The following KCNH5 variants were observed in gnomAD, a reference collection of about 807,000 sequenced individuals.
The protein encoded by KCNH5 is potassium voltage-gated channel subfamily H member 5, also known as voltage-gated delayed rectifier potassium channel KCNH5.
A neutral mutation model predicts 96.1 loss-of-function variants in KCNH5; 46 were observed. The ratio of observed to expected loss-of-function variants is 0.48; its 90% CI spans 0.38 to 0.61. The LOEUF (loss-of-function observed/expected upper bound fraction) is 0.61. Ranked by LOEUF, KCNH5 falls within the 20% of genes least tolerant of loss-of-function variation. The probability of loss-of-function intolerance (pLI) is 0.00; values close to 1 mark genes in which losing one functional copy is unlikely to be tolerated. For synonymous variants in KCNH5, 439 were observed against 449.8 expected, an observed-to-expected ratio of 0.98 and a Z score of 0.30; for missense variants, 907 against 1,225.8, an observed-to-expected ratio of 0.74 and a Z score of 3.88.
chr14:62,762,092 G>A (rs957543482), intron 10 of KCNH5, among the ~76,000 whole-genome samples: 12 of 152,150 alleles, frequency 7.9e-5, no homozygotes, highest in African/African-American at 2.9e-4. Flanking sequence ...AGAGATTGCT[G>A]CTTGGAGAGG....
intron 6 of KCNH5, among the ~76,000 whole-genome samples, chr14:62,968,370 G>T (rs1890342672): frequency 6.6e-6 from 1 of 152,056 alleles, no homozygotes; most frequent in African/African-American, 2.4e-5. Flanking sequence ...GTTCATCTTT[G>T]TATTTATTTG....
At chr14:62,890,364 G>A (rs1438997277) in intron 7 of KCNH5, among the ~76,000 whole-genome samples, 1 of 152,104 alleles carries the variant, frequency 6.6e-6, no homozygotes, top group African/African-American at 2.4e-5. Context: ...TCATCTATAA[G>A]GAACTTAAAT....
At chr14:62,977,646 CTT>C (rs1471671177) in intron 6 of KCNH5, among the ~76,000 whole-genome samples, 2 of 152,082 alleles carry the variant, frequency 1.3e-5, no homozygotes, top group South Asian at 2.1e-4. Flanking sequence ...AGGGTCTTCT[CTT>C]TTTTAAAATG....
chr14:62,995,659 C>A (rs1202202980), intron 4 of KCNH5, among the ~76,000 whole-genome samples: 5 of 152,128 alleles, frequency 3.3e-5, no homozygotes, highest in Non-Finnish European at 7.4e-5. Context: ...CTCTTGTCCA[C>A]TCACTATTCC....
chr14:62,940,495 T>C (rs1889766976), intron 7 of KCNH5, among the ~76,000 whole-genome samples: 1 of 152,202 alleles, frequency 6.6e-6, no homozygotes, highest in Non-Finnish European at 1.5e-5. Context: ...TTTTTCTTAT[T>C]TATCCCACAA....
chr14:62,910,068 G>A (rs987763577), intron 7 of KCNH5, among the ~76,000 whole-genome samples: 1 of 151,124 alleles, frequency 6.6e-6, no homozygotes, highest in African/African-American at 2.4e-5. Context: ...GATATTTTTT[G>A]AATCAGTATG....
chr14:62,779,627 A>T, intron 10 of KCNH5, 101 bp downstream of exon 10: 1 of 905,322 alleles, frequency 1.1e-6, no homozygotes, highest in Non-Finnish European at 1.6e-6. Context: ...ATGGGAATTT[A>T]GTGCTGCAAA....
intron 7 of KCNH5, among the ~76,000 whole-genome samples, chr14:62,910,934 CACACA>C (rs1889139262): frequency 1.4e-5 from 2 of 145,276 alleles, no homozygotes; most frequent in South Asian, 4.6e-4. Flanking sequence ...CACACACACA[CACACA>C]CACCCCTCTG....
intron 1 of KCNH5, among the ~76,000 whole-genome samples, chr14:63,024,208 C>CAAAAAAAAAAAAAAAAAAAAAAAAAAA (rs574336970): frequency 6.4e-5 from 9 of 140,288 alleles, no homozygotes; most frequent in East Asian, 6.3e-4. Context: ...GACTCCATCT[C>CAAAAAAAAAAAAAAAAAAAAAAAAAAA]AAAAAATATA....
At chr14:62,964,282 C>T (rs1011458851) in intron 6 of KCNH5, among the ~76,000 whole-genome samples, 8 of 152,194 alleles carry the variant, frequency 5.3e-5, no homozygotes, top group African/African-American at 1.9e-4. Flanking sequence ...TATACTAAAT[C>T]TTCCATCACT....
At chr14:63,010,031 T>C (rs1314172484) in intron 2 of KCNH5, among the ~76,000 whole-genome samples, 1 of 152,184 alleles carries the variant, frequency 6.6e-6, no homozygotes, top group Non-Finnish European at 1.5e-5. Flanking sequence ...CTCTCTTACA[T>C]AGGATGCCAA....
chr14:62,888,487 A>C (rs759653766), intron 7 of KCNH5, among the ~76,000 whole-genome samples: 1 of 152,194 alleles, frequency 6.6e-6, no homozygotes, highest in South Asian at 2.1e-4. Context: ...GGCAGTGGGC[A>C]GGCATCTGAA....
In KCNH5 at chr14:62,845,995, T is replaced by A. The variant is rs900541240; in HGVS notation, c.1569+3658A>T. Among the ~76,000 whole-genome samples the A allele has an allele frequency of 2.6e-5, 4 of 152,122 alleles. No homozygotes were observed. In the East Asian group the frequency reaches 7.7e-4, roughly 29 times the overall value. On this transcript the variant is annotated intron_variant, in intron 8 of 10. Transcript: ENST00000322893. ...AAATACCACCAAATTTAAAATATTA[T>A]CTTATTCAAATTGCTTTCAAGAAAT... is the stretch of plus-strand genomic sequence containing the variant.
chr14:62,723,589 G>A (rs1884861385), intron 10 of KCNH5, among the ~76,000 whole-genome samples: 1 of 152,124 alleles, frequency 6.6e-6, no homozygotes, highest in Admixed American at 6.5e-5. Flanking sequence ...TCTGGTTTCT[G>A]ACCCCACTCT....
At chr14:62,849,906 C>T (rs576490705) in intron 7 of KCNH5, 54 bp from the exon 8 acceptor site, 2 of 1,348,926 alleles carry the variant, frequency 1.5e-6, no homozygotes, top group East Asian at 4.8e-5. Context: ...GAAAAAAATA[C>T]AAATATTTGC....
At chr14:62,798,261 C>A (rs1430623244) in intron 9 of KCNH5, among the ~76,000 whole-genome samples, 1 of 152,134 alleles carries the variant, frequency 6.6e-6, no homozygotes, top group East Asian at 1.9e-4. Context: ...ATAATTCTAA[C>A]CCTATGATTC....
chr14:62,922,636 C>A (rs955936101), intron 7 of KCNH5, among the ~76,000 whole-genome samples: 11 of 151,854 alleles, frequency 7.2e-5, no homozygotes, highest in Non-Finnish European at 1.5e-4. Flanking sequence ...TTCTAGGATG[C>A]CAGGATGGTT....
chr14:62,851,100 C>T (rs1438414296), intron 7 of KCNH5, among the ~76,000 whole-genome samples: 2 of 152,054 alleles, frequency 1.3e-5, no homozygotes, highest in African/African-American at 2.4e-5. Flanking sequence ...CTGAGTATAA[C>T]AAATTACAAT....
In KCNH5 at chr14:62,950,156, G is replaced by A. The variant is rs369774413; in HGVS notation, c.1346C>T (p.Ser449Leu). 1.7e-5 allele frequency: 27 copies of A among 1,613,632 alleles called. No homozygotes were observed. The highest frequency in any genetic ancestry group is 3.3e-5 in the Admixed American group (2 of 59,958). The change falls in exon 7 of 11, where the codon TCG becomes TTG. Residue 449 changes from serine to leucine, a missense_variant. Physicochemically the swap from Ser to Leu is moderately radical, Grantham distance 145. Coordinates refer to ENST00000322893, the MANE Select transcript of KCNH5 (RefSeq NM_139318.5). ...APTTDVEKMFSVAMMMVGSLL... is the reference protein window; with the variant it reads ...APTTDVEKMFLVAMMMVGSLL... ...ACAGCCAACCATCATCATAGCCACC[G>A]AAAACATCTTCTCCACATCTGTGGT...
Sources: gnomAD v4.1 joint callset for allele counts (sites outside exome capture counted in the v4.1 genomes callset) on GRCh38, gnomAD v4.1.1 for gene constraint, MANE v1.5 for transcripts, NCBI Gene and HGNC (gene_info 2026-07-23, HGNC 2026-07-21) for gene names.